The following ULK4 variants were observed in gnomAD, a reference collection of about 807,000 sequenced individuals.
ULK4 encodes unc-51 like kinase 4, also known as inactive serine/threonine-protein kinase ULK4.
A neutral mutation model predicts 160.6 loss-of-function variants in ULK4; 133 were observed. The ratio of observed to expected loss-of-function variants is 0.83; its 90% CI spans 0.72 to 0.96. ULK4 has a LOEUF of 0.96. Ranked by LOEUF, ULK4 falls within the 40% of genes least tolerant of loss-of-function variation. The pLI is 0.00. For missense variants in ULK4, 1,580 were observed against 1,499.5 expected, an observed-to-expected ratio of 1.05 and a Z score of -0.89; for synonymous variants, 534 against 539.8, an observed-to-expected ratio of 0.99 and a Z score of 0.15.
chr3:41,928,448 A>T (rs1272829754), intron 5 of ULK4, among the ~76,000 whole-genome samples: 1 of 152,104 alleles, frequency 6.6e-6, no homozygotes, highest in African/African-American at 2.4e-5. Flanking sequence ...GAACAAGAGA[A>T]GAGCAAACAA....
intron 34 of ULK4, among the ~76,000 whole-genome samples, chr3:41,406,642 T>C (rs968733577): frequency 2.0e-5 from 3 of 152,230 alleles, no homozygotes; most frequent in Admixed American, 6.5e-5. Context: ...TGCAATTTTA[T>C]TATGTCTTCT....
At chr3:41,898,594 A>C in intron 13 of ULK4, 102 bp from the exon 14 acceptor site, 5 of 702,932 alleles carry the variant, frequency 7.1e-6, no homozygotes. Flanking sequence ...TGAGGACAAA[A>C]AAAGAATGTG....
At chr3:41,929,689 C>A (rs61708039) in intron 5 of ULK4, among the ~76,000 whole-genome samples, 7,025 of 152,116 alleles carry the variant, frequency 0.046, 490 homozygotes, top group African/African-American at 0.16. Flanking sequence ...TCCTATACAC[C>A]AATAACAAAC....
At position 41,246,647 on chromosome 3, in the gene ULK4, C is replaced by A. The variant is rs908128251; in HGVS notation, c.*282G>T. On this transcript the variant is annotated 3_prime_UTR_variant, in exon 37 of 37. Coordinates refer to ENST00000301831, the MANE Select transcript of ULK4 (RefSeq NM_017886.4). The stretch of plus-strand genomic sequence containing the variant: ...TTACCACAGGCAGTGCTAACCTTAG[C>A]CCACCTGGCCCACACAGAGAGGGAA... The A allele has an allele frequency of 2.5e-6, 1 of 398,698 alleles. No homozygotes were observed. The allele number at this position is 398,698 out of a possible 1,614,324, so 24.7% of individuals were successfully genotyped here.
chr3:41,938,055 T>C (rs762460862), intron 3 of ULK4, 43 bp downstream of exon 3: 4 of 1,424,216 alleles, frequency 2.8e-6, no homozygotes, highest in Middle Eastern at 1.8e-4. Context: ...CATGTTTTTT[T>C]TCAATACTAT....
At chr3:41,869,401 C>A (rs1410367528) in intron 17 of ULK4, among the ~76,000 whole-genome samples, 1 of 151,966 alleles carries the variant, frequency 6.6e-6, no homozygotes, top group Non-Finnish European at 1.5e-5. Flanking sequence ...ATGATGAAAC[C>A]CCATCTCTAC....
intron 27 of ULK4, among the ~76,000 whole-genome samples, chr3:41,690,348 G>A (rs1233519488): frequency 5.3e-5 from 8 of 151,114 alleles, no homozygotes; most frequent in African/African-American, 9.7e-5. Context: ...GCTAAATGAC[G>A]AGTTAATGGG....
At chr3:41,748,819 T>C (rs1310671063) in intron 22 of ULK4, among the ~76,000 whole-genome samples, 1 of 152,238 alleles carries the variant, frequency 6.6e-6, no homozygotes, top group Admixed American at 6.5e-5. Context: ...AATACTGTTC[T>C]AAATCTGACT....
At chr3:41,932,086 A>C (rs750476207) in intron 4 of ULK4, 80 bp from the exon 5 acceptor site, 1 of 1,289,296 alleles carries the variant, frequency 7.8e-7, no homozygotes. Flanking sequence ...TAATTGTACT[A>C]AAGAACTTTT....
chr3:41,804,641 T>A (rs889076272), intron 19 of ULK4, among the ~76,000 whole-genome samples: 1 of 152,094 alleles, frequency 6.6e-6, no homozygotes, highest in African/African-American at 2.4e-5. Context: ...CTTTAATCCA[T>A]CTTGAATTAA....
rs373989985 is a variant in ULK4 at position 41,279,262 on chromosome 3, A to ACAAC, written c.3679-29689_3679-29688insGTTG. ...GATTAGAGAAAAAAAGAGTAAAAAAAAAAAAAAAAAAAACAAAACGACAAA... is the reference window on the plus strand; with the variant it reads ...GATTAGAGAAAAAAAGAGTAAAAAAACAACAAAAAAAAAAAAACAAAACGACAAA... On this transcript the variant is annotated intron_variant, in intron 35 of 36. Transcript: ENST00000301831. 5.9e-3 allele frequency among the ~76,000 whole-genome samples: 838 copies of ACAAC among 141,912 alleles called. 11 individuals carry two copies. Among genetic ancestry groups the ACAAC allele is most frequent in the African/African-American group, 0.022 (785 of 35,302 alleles). 93.1% of individuals were successfully genotyped at this position (141,912 alleles called of 152,430 possible).
intron 27 of ULK4, among the ~76,000 whole-genome samples, chr3:41,685,638 C>T (rs144567219): frequency 1.3e-5 from 2 of 152,336 alleles, no homozygotes; most frequent in East Asian, 1.9e-4. Context: ...AAGATAACAT[C>T]GCAACCAGTT....
chr3:41,928,598 C>A (rs1699472262), intron 5 of ULK4, among the ~76,000 whole-genome samples: 1 of 146,100 alleles, frequency 6.8e-6, no homozygotes, highest in Admixed American at 6.8e-5. Flanking sequence ...AATACATAGA[C>A]CACTAGCAAG....
chr3:41,916,125 A>G (rs977407304), intron 7 of ULK4, 73 bp from the exon 8 acceptor site: 1 of 939,138 alleles, frequency 1.1e-6, no homozygotes, highest in Admixed American at 2.7e-5. Flanking sequence ...TATCTCTTAC[A>G]TCAACATTTA....
chr3:41,875,157 C>A (rs1192493635), intron 17 of ULK4, among the ~76,000 whole-genome samples: 2 of 152,122 alleles, frequency 1.3e-5, no homozygotes, highest in East Asian at 1.9e-4. Flanking sequence ...CCAACCTGGG[C>A]AACAGAGCGA....
In ULK4 at chr3:41,516,721, G is replaced by T. The variant is rs142143792; in HGVS notation, c.3226+49304C>A. Among the ~76,000 whole-genome samples the T allele has an allele frequency of 5.3e-5, 8 of 151,636 alleles. No homozygotes were observed. The East Asian group carries it at 1.6e-3, about 29-fold the overall frequency. ...AGGGGTGGGGGTGGGGGAAGGTTGA[G>T]ATGGTTAATGAGTACCAAAAAACAG... On this transcript the variant is annotated intron_variant, in intron 32 of 36. Transcript: ENST00000301831.
intron 31 of ULK4, among the ~76,000 whole-genome samples, chr3:41,575,708 A>C (rs1233192641): frequency 2.0e-5 from 3 of 152,266 alleles, no homozygotes; most frequent in Non-Finnish European, 4.4e-5. Context: ...ATCATATGGT[A>C]CCATTTGCCA....
chr3:41,687,385 A>T (rs1000153180), intron 27 of ULK4, among the ~76,000 whole-genome samples: 5 of 151,984 alleles, frequency 3.3e-5, no homozygotes, highest in African/African-American at 1.2e-4. Flanking sequence ...AAAAAAAAAA[A>T]AATTAATTAA....
chr3:41,927,767 A>G (rs1406798481), intron 5 of ULK4, among the ~76,000 whole-genome samples: 1 of 152,066 alleles, frequency 6.6e-6, no homozygotes, highest in African/African-American at 2.4e-5. Flanking sequence ...GAAGGCCATT[A>G]CATAATGGTA....
Sources: gnomAD v4.1 joint callset for allele counts (sites outside exome capture counted in the v4.1 genomes callset) on GRCh38, gnomAD v4.1.1 for gene constraint, MANE v1.5 for transcripts, NCBI Gene and HGNC (gene_info 2026-07-23, HGNC 2026-07-21) for gene names.